DPH6: variants seen among roughly 807,000 people sequenced by gnomAD.
The protein encoded by DPH6 is diphthamine biosynthesis 6, also known as diphthine--ammonia ligase.
Under a neutral mutation model 38.2 loss-of-function variants are expected in DPH6, and 33 were observed. The observed-to-expected ratio is 0.86, with a 90% CI of 0.65 to 1.15. The LOEUF is 1.15. Among genes scored for constraint, DPH6 ranks in the 50% most tolerant of loss-of-function variants. The probability of loss-of-function intolerance (pLI) is 0.00; values close to 1 mark genes in which losing one functional copy is unlikely to be tolerated. For missense variants in DPH6, 325 were observed against 320.0 expected, an observed-to-expected ratio of 1.02 and a Z score of -0.12; for synonymous variants, 108 against 103.0, an observed-to-expected ratio of 1.05 and a Z score of -0.30.
intron 3 of DPH6, among the ~76,000 whole-genome samples, chr15:35,246,187 C>G (rs2051636932): frequency 6.6e-6 from 1 of 152,162 alleles, no homozygotes; most frequent in African/African-American, 2.4e-5. Flanking sequence ...CCACCTGCAC[C>G]CAGGTGATTA....
At chr15:35,488,271 A>C (rs1478666554) in intron 3 of DPH6, among the ~76,000 whole-genome samples, 1 of 152,144 alleles carries the variant, frequency 6.6e-6, no homozygotes, top group African/African-American at 2.4e-5. Context: ...GTTCCAAGCT[A>C]CTTCCACATT....
intron 3 of DPH6, among the ~76,000 whole-genome samples, chr15:35,256,712 C>T (rs1373435691): frequency 1.3e-5 from 2 of 152,012 alleles, no homozygotes. Context: ...AGGGTGGGTC[C>T]ACGAGGGATC....
chr15:35,324,251 G>A (rs1426610307), intron 3 of DPH6, among the ~76,000 whole-genome samples: 2 of 152,118 alleles, frequency 1.3e-5, no homozygotes, highest in Non-Finnish European at 2.9e-5. Flanking sequence ...AATAGAGAGT[G>A]TCTGAAGATG....
intron 3 of DPH6, among the ~76,000 whole-genome samples, chr15:35,239,507 C>T (rs1014140037): frequency 6.9e-6 from 1 of 143,938 alleles, no homozygotes; most frequent in Admixed American, 7.4e-5. Context: ...GGTCCTTCAC[C>T]CTTAGCGGCA....
In DPH6 at chr15:35,373,627, A is replaced by G. The variant is rs746758856; in HGVS notation, c.663-19T>C. On this transcript the variant is annotated intron_variant, in intron 7 of 8. Transcript: ENST00000256538. The stretch of plus-strand genomic sequence containing the variant: ...TGAATCCCTGAAATACAAAAATTTT[A>G]CAATACATTTATATGCTACAAAAAT... 14 of 1,595,562 alleles carry G rather than the reference A, an allele frequency of 8.8e-6. No homozygotes were observed. Among genetic ancestry groups the G allele is most frequent in the Non-Finnish European group, 1.0e-5 (12 of 1,170,020 alleles).
At chr15:35,169,587 G>A in the DPH6 span, 1 of 152,122 alleles carries the variant, frequency 6.6e-6, no homozygotes, top group South Asian at 2.1e-4. Context: ...CAGTGAAAAG[G>A]ACACTGAACC....
chr15:35,364,841 T>C (rs1056680564), intron 3 of DPH6, among the ~76,000 whole-genome samples: 1 of 152,056 alleles, frequency 6.6e-6, no homozygotes, highest in Non-Finnish European at 1.5e-5. Flanking sequence ...TTAGCTACTA[T>C]GCTTTTAAAC....
At chr15:35,401,890 AAAG>A (rs1319532298) in intron 6 of DPH6, 29 of 453,962 alleles carry the variant, frequency 6.4e-5, no homozygotes, top group Non-Finnish European at 1.2e-4. Context: ...TAGCTGCTAC[AAAG>A]AAGACATGCT....
downstream of DPH6, among the ~76,000 whole-genome samples, chr15:35,366,771 T>G (rs532319240): frequency 2.4e-4 from 37 of 152,066 alleles, no homozygotes; most frequent in Non-Finnish European, 4.3e-4. Context: ...TAACATCAGT[T>G]CAGGTTAGCA....
At chr15:35,303,252 A>G (rs1014661602) in intron 3 of DPH6, among the ~76,000 whole-genome samples, 141 of 152,134 alleles carry the variant, frequency 9.3e-4, no homozygotes, top group African/African-American at 3.2e-3. Flanking sequence ...GAACTTAATA[A>G]TACTGTCTAT....
intron 5 of DPH6, among the ~76,000 whole-genome samples, chr15:35,433,543 A>G (rs60823291): frequency 0.34 from 51,448 of 152,038 alleles, 10,300 homozygotes; most frequent in African/African-American, 0.56. Flanking sequence ...TAGGTTTTGT[A>G]GGCAAAATTG....
At chr15:35,530,518 T>C (rs572386716) in intron 3 of DPH6, among the ~76,000 whole-genome samples, 63 of 152,324 alleles carry the variant, frequency 4.1e-4, no homozygotes, top group South Asian at 1.9e-3. Flanking sequence ...GATAAATTTA[T>C]AGAGAGGCAC....
intron 3 of DPH6, among the ~76,000 whole-genome samples, chr15:35,294,401 T>C (rs1267997511): frequency 6.6e-6 from 1 of 152,232 alleles, no homozygotes; most frequent in Admixed American, 6.5e-5. Context: ...AGTTCTTTGC[T>C]TTCAGACAGT....
chr15:35,435,828 C>T (rs1417196480), intron 5 of DPH6, among the ~76,000 whole-genome samples: 9 of 152,026 alleles, frequency 5.9e-5, no homozygotes, highest in Admixed American at 3.3e-4. Context: ...GTTTCTGAGC[C>T]TTCTTGTCCT....
At chr15:35,403,092 T>C (rs936378625) in intron 6 of DPH6, among the ~76,000 whole-genome samples, 1 of 152,036 alleles carries the variant, frequency 6.6e-6, no homozygotes, top group Admixed American at 6.6e-5. Context: ...AATCCCATTA[T>C]GTAAATAAAA....
chr15:35,195,187 G>GC, the DPH6 span, among the ~76,000 whole-genome samples: 4 of 152,090 alleles, frequency 2.6e-5, no homozygotes, highest in South Asian at 8.3e-4. Context: ...TCTGTGCCTG[G>GC]CTTTTTTTAC....
At chr15:35,156,638 A>C in the DPH6 span, among the ~76,000 whole-genome samples, 1 of 152,126 alleles carries the variant, frequency 6.6e-6, no homozygotes, top group East Asian at 1.9e-4. Flanking sequence ...CTGTCTGAGA[A>C]AGACTCCGTT....
chr15:35,422,724 C>T (rs62002913), intron 5 of DPH6, among the ~76,000 whole-genome samples: 2,611 of 151,976 alleles, frequency 0.017, 35 homozygotes, highest in South Asian at 0.033. Flanking sequence ...TTCCCAAATC[C>T]TCCTCTCCAT....
intron 5 of DPH6, among the ~76,000 whole-genome samples, chr15:35,415,997 T>A (rs996472521): frequency 1.3e-5 from 2 of 152,086 alleles, no homozygotes; most frequent in Non-Finnish European, 2.9e-5. Context: ...TAAAGTTTAG[T>A]GAGGGTGTAT....
Sources: gnomAD v4.1 joint callset for allele counts (sites outside exome capture counted in the v4.1 genomes callset) on GRCh38, gnomAD v4.1.1 for gene constraint, MANE v1.5 for transcripts, NCBI Gene and HGNC (gene_info 2026-07-23, HGNC 2026-07-21) for gene names.